The following RBMS3 variants were observed in gnomAD, a reference collection of about 807,000 sequenced individuals.
The protein encoded by RBMS3 is RNA binding motif single stranded interacting protein 3.
RBMS3 carries 27 observed loss-of-function variants against 66.8 expected under a neutral mutation model. The observed-to-expected ratio is 0.40, with a 90% CI of 0.30 to 0.56. The LOEUF is 0.56. Among genes scored for constraint, RBMS3 ranks in the 20% least tolerant of loss-of-function variants. The pLI, the probability that RBMS3 is intolerant of heterozygous loss-of-function variation, is 0.40. For synonymous variants in RBMS3, 188 were observed against 183.0 expected (o/e 1.03, Z -0.22); for missense variants, 513 against 549.5 (o/e 0.93, Z 0.66).
At chr3:29,554,945 A>G (rs532885417) in intron 3 of RBMS3, among the ~76,000 whole-genome samples, 12 of 152,290 alleles carry the variant, frequency 7.9e-5, no homozygotes, top group Admixed American at 2.0e-4. Context: ...AGATGGTTGC[A>G]TTGATATGAA....
intron 2 of RBMS3, among the ~76,000 whole-genome samples, chr3:29,437,761 G>A (rs143106613): frequency 2.8e-3 from 427 of 152,244 alleles, no homozygotes; most frequent in African/African-American, 9.8e-3. Context: ...GCCTCTTAAC[G>A]TTGGTTTCCC....
At chr3:29,855,525 A>G (rs1170117408) in intron 6 of RBMS3, among the ~76,000 whole-genome samples, 3 of 152,342 alleles carry the variant, frequency 2.0e-5, no homozygotes. Flanking sequence ...CAATTACTAT[A>G]TTTAGAATAT....
chr3:29,875,846 G>A (rs2059599338), intron 7 of RBMS3, among the ~76,000 whole-genome samples: 3 of 151,966 alleles, frequency 2.0e-5, no homozygotes, highest in African/African-American at 7.3e-5. Flanking sequence ...TAGTTCTGAT[G>A]GCATCTTTCT....
chr3:29,306,154 T>C (rs2033997483), intron 1 of RBMS3, among the ~76,000 whole-genome samples: 6 of 152,002 alleles, frequency 3.9e-5, no homozygotes, highest in African/African-American at 1.4e-4. Flanking sequence ...CTAGTGTTCC[T>C]TGTTTTCATA....
In RBMS3 at chr3:29,664,540, C is replaced by T. The variant is rs1350709012; in HGVS notation, c.400-75180C>T. On this transcript the variant is annotated intron_variant, in intron 4 of 14. Transcript: ENST00000383767. ...TTTACTATGACTTGTCATGGTTTTC[C>T]AAAGTTGAAGCAATGGTTTTTTATA... Among the ~76,000 whole-genome samples the T allele has an allele frequency of 2.6e-5, 4 of 151,700 alleles. No homozygotes were observed. In the East Asian group the frequency reaches 7.8e-4, roughly 29 times the overall value.
intron 4 of RBMS3, among the ~76,000 whole-genome samples, chr3:29,623,961 A>G (rs1299656592): frequency 1.3e-5 from 2 of 152,224 alleles, no homozygotes; most frequent in Non-Finnish European, 2.9e-5. Context: ...TGGGGAAAAA[A>G]AAGCAGACTG....
intron 6 of RBMS3, among the ~76,000 whole-genome samples, chr3:29,855,087 C>T (rs1294647362): frequency 6.6e-6 from 1 of 152,146 alleles, no homozygotes; most frequent in South Asian, 2.1e-4. Flanking sequence ...TTACATAATG[C>T]TGCAAGTTAC....
intron 14 of RBMS3, chr3:29,991,413 T>A (rs1559870670): frequency 1.4e-6 from 1 of 721,642 alleles, no homozygotes; most frequent in East Asian, 3.1e-5. Flanking sequence ...GAATCAAACA[T>A]CTAGGAACAG....
intron 1 of RBMS3, among the ~76,000 whole-genome samples, chr3:29,366,570 A>G (rs996585583): frequency 1.3e-5 from 2 of 151,972 alleles, no homozygotes; most frequent in African/African-American, 2.4e-5. Context: ...TTTTTTGTAA[A>G]GACATGGTCT....
chr3:29,333,001 T>C (rs1221835730), intron 1 of RBMS3, among the ~76,000 whole-genome samples: 2 of 152,114 alleles, frequency 1.3e-5, no homozygotes, highest in African/African-American at 4.8e-5. Flanking sequence ...CTATTAAATA[T>C]AGAAAAATTT....
chr3:29,816,282 G>A lies in RBMS3; in HGVS notation c.638-52576G>A, dbSNP rs1442184686. The stretch of plus-strand genomic sequence containing the variant: ...AAGTCATGTGCATCCCCCTGTGCGC[G>A]CACACACAGACACACACAGACACAC... On this transcript the variant is annotated intron_variant, in intron 6 of 14. Coordinates refer to ENST00000383767, the MANE Select transcript of RBMS3 (RefSeq NM_001003793.3). Among the ~76,000 whole-genome samples, 7 of 148,796 alleles carry A rather than the reference G, an allele frequency of 4.7e-5. No individual in the cohort carries two copies. In the East Asian group the frequency reaches 1.0e-3, roughly 21 times the overall value.
At chr3:29,718,182 GAAGTAA>G (rs2053488126) in intron 4 of RBMS3, among the ~76,000 whole-genome samples, 1 of 151,990 alleles carries the variant, frequency 6.6e-6, no homozygotes, top group Non-Finnish European at 1.5e-5. Context: ...GAAAAAATCT[GAAGTAA>G]AAGTCTCCTG....
At chr3:29,438,825 T>C (rs1305301920) in intron 2 of RBMS3, among the ~76,000 whole-genome samples, 1 of 152,158 alleles carries the variant, frequency 6.6e-6, no homozygotes, top group Non-Finnish European at 1.5e-5. Context: ...GGAGAAATAT[T>C]ATATTCTACT....
intron 1 of RBMS3, among the ~76,000 whole-genome samples, chr3:29,409,998 G>A (rs1199724800): frequency 2.0e-5 from 3 of 152,010 alleles, no homozygotes; most frequent in African/African-American, 4.8e-5. Flanking sequence ...GGCAGCCACC[G>A]TTTCTTTCTT....
At chr3:29,447,824 A>G (rs2041885764) in intron 2 of RBMS3, among the ~76,000 whole-genome samples, 1 of 152,182 alleles carries the variant, frequency 6.6e-6, no homozygotes, top group African/African-American at 2.4e-5. Flanking sequence ...GTGTCTGGTC[A>G]TTCTTTAATT....
At chr3:29,940,673 TTTAA>T (rs1245085957) in intron 11 of RBMS3, among the ~76,000 whole-genome samples, 1 of 151,792 alleles carries the variant, frequency 6.6e-6, no homozygotes, top group Non-Finnish European at 1.5e-5. Context: ...TGCCATGTAG[TTTAA>T]TTAACCTTTC....
chr3:29,687,478 A>T (rs1036978142), intron 4 of RBMS3, among the ~76,000 whole-genome samples: 3 of 152,222 alleles, frequency 2.0e-5, no homozygotes, highest in Non-Finnish European at 4.4e-5. Flanking sequence ...CAACATGAAG[A>T]CATTAAGTTC....
intron 3 of RBMS3, among the ~76,000 whole-genome samples, chr3:29,514,659 A>G (rs1211913781): frequency 5.6e-5 from 8 of 142,228 alleles, no homozygotes; most frequent in Non-Finnish European, 1.2e-4. Flanking sequence ...ACATATATAT[A>G]TATATATATA....
In RBMS3 at chr3:29,966,072, T is replaced by C. The variant is rs1015911110; in HGVS notation, c.1098+21818T>C. Among the ~76,000 whole-genome samples, 9 of 152,210 alleles carry C rather than the reference T, an allele frequency of 5.9e-5. No homozygotes were observed. In the East Asian group the frequency reaches 1.5e-3, roughly 26 times the overall value. ...GGTTTATTTTTTGAGTTCTCTATTCTGTTCCATTGGTCTATGTGCCTATTT... is the reference window on the plus strand; with the variant it reads ...GGTTTATTTTTTGAGTTCTCTATTCCGTTCCATTGGTCTATGTGCCTATTT... On this transcript the variant is annotated intron_variant, in intron 12 of 14. Coordinates refer to ENST00000383767, the MANE Select transcript of RBMS3 (RefSeq NM_001003793.3).
Sources: gnomAD v4.1 joint callset for allele counts (sites outside exome capture counted in the v4.1 genomes callset) on GRCh38, gnomAD v4.1.1 for gene constraint, MANE v1.5 for transcripts, NCBI Gene and HGNC (gene_info 2026-07-23, HGNC 2026-07-21) for gene names.